The following SEZ6 variants were observed in gnomAD, a reference collection of about 807,000 sequenced individuals.
SEZ6 encodes the protein seizure protein 6 homolog.
In SEZ6, 53 loss-of-function variants were observed where a neutral mutation model predicts 101.0. That is an observed-to-expected ratio of 0.52 (90% CI 0.42 to 0.66). SEZ6 has a LOEUF of 0.66. Ranked by LOEUF, SEZ6 falls within the 30% of genes least tolerant of loss-of-function variation. SEZ6 has a pLI of 0.00. For synonymous variants in SEZ6, 488 were observed against 512.2 expected (o/e 0.95, Z 0.64); for missense variants, 1,102 against 1,289.4 (o/e 0.85, Z 2.23).
rs1353087573 is a variant in SEZ6, at chr17:28,956,275, A to G, written c.2850-14T>C. On this transcript the variant is annotated splice_polypyrimidine_tract_variant and intron_variant, in intron 15 of 16. Coordinates refer to ENST00000317338, the MANE Select transcript of SEZ6 (RefSeq NM_178860.5). ...TTTCCCTGGAGCCTGTGGGGCAGAG[A>G]AGCCTGCAAGTCAGGAGCACTGGGT... 1 of 1,595,830 alleles carries G rather than the reference A, an allele frequency of 6.3e-7. No individual in the cohort carries two copies. Among genetic ancestry groups the G allele is most frequent in the East Asian group, 2.3e-5 (1 of 44,292 alleles).
At chr17:28,995,529 C>T (rs1288162058) in intron 1 of SEZ6, among the ~76,000 whole-genome samples, 10 of 152,310 alleles carry the variant, frequency 6.6e-5, no homozygotes, top group East Asian at 3.9e-4. Flanking sequence ...TGAGAGCTGA[C>T]GTGACCTGTG....
chr17:28,959,983 CT>C lies in SEZ6; in HGVS notation c.1577-92del. The C allele has an allele frequency of 7.3e-7, 1 of 1,377,580 alleles. No individual in the cohort carries two copies. The highest frequency in any genetic ancestry group is 9.9e-7 in the Non-Finnish European group (1 of 1,011,408). The allele number at this position is 1,377,580 out of a possible 1,614,324, so 85.3% of individuals were successfully genotyped here. A position where few individuals can be genotyped will look rare whatever the true frequency, so the allele number is the denominator to read the frequency against. Reference sequence around the variant, plus strand: ...CCCTACTTCCCTCCCCAGAGCCTTTCTTTTCCTGGGTACGAATGACAAATAT... The same window carrying C: ...CCCTACTTCCCTCCCCAGAGCCTTTCTTTCCTGGGTACGAATGACAAATAT... On this transcript the variant is annotated intron_variant, in intron 7 of 16. Coordinates refer to ENST00000317338, the MANE Select transcript of SEZ6 (RefSeq NM_178860.5). The surrounding 1 kb of genome is among the most constrained non-coding windows in gnomAD (Gnocchi z 4.4).
At chr17:28,969,637 A>G (rs2041121232) in intron 4 of SEZ6, 120 bp downstream of exon 4, 1 of 915,806 alleles carries the variant, frequency 1.1e-6, no homozygotes, top group Non-Finnish European at 1.5e-6. Context: ...CATTTGTGCT[A>G]TGTGTCACTA....
At position 28,979,564 on chromosome 17, in the gene SEZ6, G is replaced by A. The variant is rs149269463; in HGVS notation, c.858+116C>T. 17 of 1,462,232 alleles carry A rather than the reference G, an allele frequency of 1.2e-5. No homozygotes were observed. The East Asian group carries it at 3.4e-4, about 29-fold the overall frequency. 90.6% of individuals were successfully genotyped at this position (1,462,232 alleles called of 1,614,324 possible). A position where few individuals can be genotyped will look rare whatever the true frequency, so the allele number is the denominator to read the frequency against. On this transcript the variant is annotated intron_variant, in intron 3 of 16. Transcript: ENST00000317338. ...CCATCTCCCAGCCCTGGCCTTAGGC[G>A]ATGCCCCACAATTGATGCCCCTAAT...
At chr17:28,970,361 C>T (rs2041134285) in intron 3 of SEZ6, among the ~76,000 whole-genome samples, 1 of 152,166 alleles carries the variant, frequency 6.6e-6, no homozygotes, top group African/African-American at 2.4e-5. Context: ...AGTATGAGGT[C>T]TTAAATATCA....
At chr17:28,958,391 G>T (rs1333999355) in intron 10 of SEZ6, among the ~76,000 whole-genome samples, 1 of 152,182 alleles carries the variant, frequency 6.6e-6, no homozygotes, top group Non-Finnish European at 1.5e-5. Context: ...AGTTCCTTAG[G>T]CCTGAGAGAT....
chr17:28,962,442 A>G (rs1255486284), intron 5 of SEZ6, among the ~76,000 whole-genome samples: 1 of 152,098 alleles, frequency 6.6e-6, no homozygotes, highest in East Asian at 1.9e-4. Context: ...TGTGTTATTC[A>G]ACTCTGGTTG....
At chr17:28,975,973 C>T (rs1352187121) in intron 3 of SEZ6, among the ~76,000 whole-genome samples, 2 of 152,226 alleles carry the variant, frequency 1.3e-5, no homozygotes, top group South Asian at 2.1e-4. Context: ...AGACTGACTG[C>T]CTGGGGAGGG....
Position 29,005,817 on chromosome 17 carries a change from T to C in SEZ6, c.53A>G (p.His18Arg), listed in dbSNP as rs1467801872. 6.7e-7 allele frequency: 1 copy of C among 1,485,504 alleles called. No individual in the cohort carries two copies. The highest frequency in any genetic ancestry group is 2.1e-5 in the Admixed American group (1 of 46,984). The allele number at this position is 1,485,504 out of a possible 1,614,324, so 92.0% of individuals were successfully genotyped here. A position where few individuals can be genotyped will look rare whatever the true frequency, so the allele number is the denominator to read the frequency against. ...LLPSLLALLA[H>R]GLSLEAPTVG... ...CGCCGGATGCCGGGGTCCCTTACCG[T>C]GAGCCAGGAGCGCCAGCAGCGAGGG... is the stretch of plus-strand genomic sequence containing the variant. Residue 18 changes from histidine to arginine, a missense_variant and splice_region_variant, in exon 1 of 17, where the codon CAC (histidine) becomes CGC (arginine). His to Arg is a conservative substitution (Grantham distance 29). This residue lies in a region of SEZ6 where 406 missense variants were observed against 418.6 expected (regional missense o/e 0.97). Transcript: ENST00000317338. The surrounding 1 kb of genome is among the most constrained non-coding windows in gnomAD (Gnocchi z 4.8).
At chr17:28,966,207 A>G (rs4794843) in intron 4 of SEZ6, among the ~76,000 whole-genome samples, 44,719 of 149,572 alleles carry the variant, frequency 0.3, 6,995 homozygotes, top group African/African-American at 0.4. Flanking sequence ...CCAGCTGGGC[A>G]CGGTGGCTCA....
intron 3 of SEZ6, among the ~76,000 whole-genome samples, chr17:28,977,374 G>A (rs556622309): frequency 2.6e-5 from 4 of 152,250 alleles, no homozygotes; most frequent in East Asian, 1.9e-4. Context: ...ATCTCAGGCC[G>A]TCCGGGCCGA....
chr17:28,978,707 G>T (rs1461359504), intron 3 of SEZ6, among the ~76,000 whole-genome samples: 1 of 152,210 alleles, frequency 6.6e-6, no homozygotes, highest in Admixed American at 6.5e-5. Flanking sequence ...AGCCCTTAGA[G>T]AGGTGTAGGG....
At position 29,006,003 on chromosome 17, in the gene SEZ6, C is replaced by G. The variant is rs1426385973; in HGVS notation, c.-134G>C. 11 of 664,772 alleles carry G rather than the reference C, an allele frequency of 1.7e-5. No individual in the cohort carries two copies. Among genetic ancestry groups the G allele is most frequent in the Middle Eastern group, 5.1e-4 (1 of 1,952 alleles). 41.2% of individuals were successfully genotyped at this position (664,772 alleles called of 1,614,324 possible). ...GGGCCGCAGCCGTCACCGCCGCTGC[C>G]GCCGCCAGCGCCTGACAGAATCAGC... On this transcript the variant is annotated 5_prime_UTR_variant, in exon 1 of 17. Transcript: ENST00000317338.
chr17:28,963,884 A>G, intron 5 of SEZ6, 78 bp downstream of exon 5: 1 of 1,510,100 alleles, frequency 6.6e-7, no homozygotes, highest in Non-Finnish European at 9.0e-7. Context: ...TGAAAGTGGC[A>G]GAGAGCAACA....
intron 3 of SEZ6, among the ~76,000 whole-genome samples, chr17:28,973,004 T>C (rs1035050508): frequency 1.3e-5 from 2 of 152,228 alleles, no homozygotes; most frequent in Admixed American, 6.5e-5. Flanking sequence ...GTTCCCCATA[T>C]ACCTCTGGCT....
intron 1 of SEZ6, among the ~76,000 whole-genome samples, chr17:28,991,810 G>A (rs1003614215): frequency 1.3e-5 from 2 of 152,176 alleles, no homozygotes; most frequent in African/African-American, 2.4e-5. Flanking sequence ...GTCATCCACC[G>A]ATGAGGTTTG....
At chr17:28,993,538 G>A (rs1349970817) in intron 1 of SEZ6, among the ~76,000 whole-genome samples, 1 of 152,188 alleles carries the variant, frequency 6.6e-6, no homozygotes, top group East Asian at 1.9e-4. Flanking sequence ...GTGGAGGCAG[G>A]AGCTGCATTC....
chr17:28,966,920 T>C (rs1374263547), intron 4 of SEZ6, among the ~76,000 whole-genome samples: 1 of 152,158 alleles, frequency 6.6e-6, no homozygotes, highest in Non-Finnish European at 1.5e-5. Flanking sequence ...GGTCGGTAAG[T>C]GGCTAGTTGT....
In SEZ6 at chr17:28,955,858, TATAC is replaced by T. The variant is rs2040869975; in HGVS notation, c.*100_*103del. 7.9e-7 allele frequency: 1 copy of T among 1,270,702 alleles called. No individual in the cohort carries two copies. Among genetic ancestry groups the T allele is most frequent in the African/African-American group, 1.5e-5 (1 of 67,408 alleles). The allele number at this position is 1,270,702 out of a possible 1,614,324, so 78.7% of individuals were successfully genotyped here. A position where few individuals can be genotyped will look rare whatever the true frequency, so the allele number is the denominator to read the frequency against. ...TGGTGGCATCTCCTCCTAGGTGGTA[TATAC>T]AGGAGGTGGAGGGACAGCAGGAAGC... On this transcript the variant is annotated 3_prime_UTR_variant, in exon 17 of 17. Transcript: ENST00000317338.
Sources: allele counts gnomAD v4.1 joint callset (sites outside exome capture counted in the v4.1 genomes callset), GRCh38; gene constraint gnomAD v4.1.1; regional missense constraint gnomAD v4.1.1; non-coding constraint Gnocchi (gnomAD v3.1); transcripts MANE v1.5; gene names NCBI Gene and HGNC (gene_info 2026-07-23, HGNC 2026-07-21).